Variants in TMEM108 observed in about 807,000 individuals in gnomAD.
TMEM108 encodes the protein cancer/testis antigen 124.
Under a neutral mutation model 35.1 loss-of-function variants are expected in TMEM108, and 12 were observed. That is an observed-to-expected ratio of 0.34 (90% CI 0.22 to 0.55). The LOEUF is 0.55. Ranked by LOEUF, TMEM108 falls within the 20% of genes least tolerant of loss-of-function variation. The probability of loss-of-function intolerance (pLI) is 0.89; values close to 1 mark genes in which losing one functional copy is unlikely to be tolerated. For synonymous variants in TMEM108, 287 were observed against 308.6 expected (o/e 0.93, Z 0.73); for missense variants, 680 against 753.3 (o/e 0.90, Z 1.14).
intron 5 of TMEM108, among the ~76,000 whole-genome samples, chr3:133,394,353 C>T (rs2073275676): frequency 6.6e-6 from 1 of 152,238 alleles, no homozygotes; most frequent in Non-Finnish European, 1.5e-5. Flanking sequence ...CAGGGCTGTA[C>T]AGACAAAATT....
At position 133,380,479 on chromosome 3, in the gene TMEM108, C is replaced by T. The variant is rs2072977364; in HGVS notation, c.768C>T (p.Thr256=). The T allele has an allele frequency of 3.1e-6, 5 of 1,613,966 alleles. No individual in the cohort carries two copies. The highest frequency in any genetic ancestry group is 4.2e-6 in the Non-Finnish European group (5 of 1,179,974). ...SSPQPQTVAA[T]TVPSNTSWAP... is the part of the protein sequence containing the mutation. ...CACAGCCCCAGACAGTGGCTGCGAC[C>T]ACAGTGCCCAGCAATACCTCATGGG... The change falls in exon 4 of 6, where the codon ACC becomes ACT. Residue 256 remains threonine (T), a synonymous_variant. Coordinates refer to ENST00000321871, the MANE Select transcript of TMEM108 (RefSeq NM_023943.4). This position sits in a 1 kb window ranked among gnomAD's most constrained non-coding sequence, Gnocchi z 5.3.
chr3:133,224,030 A>G (rs1946031427), intron 2 of TMEM108, among the ~76,000 whole-genome samples: 1 of 152,216 alleles, frequency 6.6e-6, no homozygotes, highest in African/African-American at 2.4e-5. Flanking sequence ...TATTATGGGA[A>G]GTCTGTCACT....
At chr3:133,327,772 G>C (rs1379611229) in intron 3 of TMEM108, among the ~76,000 whole-genome samples, 1 of 152,072 alleles carries the variant, frequency 6.6e-6, no homozygotes, top group Non-Finnish European at 1.5e-5. Flanking sequence ...GGGCGGCAGG[G>C]TCAAAGGATT....
At chr3:133,384,250 G>A (rs1191696702) in intron 4 of TMEM108, among the ~76,000 whole-genome samples, 1 of 128,652 alleles carries the variant, frequency 7.8e-6, no homozygotes, top group Non-Finnish European at 1.7e-5. Flanking sequence ...CAGGAGTAAA[G>A]TGCATGCATC....
intron 2 of TMEM108, among the ~76,000 whole-genome samples, chr3:133,062,051 A>T (rs1045954327): frequency 2.6e-5 from 4 of 152,238 alleles, no homozygotes; most frequent in African/African-American, 9.6e-5. Context: ...TAAATCTGAT[A>T]GCATGGATGG....
intron 2 of TMEM108, among the ~76,000 whole-genome samples, chr3:133,163,661 A>G (rs1576354251): frequency 6.6e-6 from 1 of 152,272 alleles, no homozygotes; most frequent in Non-Finnish European, 1.5e-5. Context: ...TCAGATGTAA[A>G]TGAACTACAG....
chr3:133,039,350 G>C (rs1265180573), intron 1 of TMEM108, among the ~76,000 whole-genome samples: 1 of 152,146 alleles, frequency 6.6e-6, no homozygotes, highest in Non-Finnish European at 1.5e-5. Context: ...CATGTTACTG[G>C]GTTGTGGGGA....
At chr3:133,059,319 T>TA (rs913903444) in intron 2 of TMEM108, among the ~76,000 whole-genome samples, 4 of 152,212 alleles carry the variant, frequency 2.6e-5, no homozygotes, top group African/African-American at 9.6e-5. Flanking sequence ...TTCTTATATA[T>TA]TTTTTTAAAC....
intron 2 of TMEM108, among the ~76,000 whole-genome samples, chr3:133,208,694 A>G (rs1461671620): frequency 2.0e-5 from 3 of 152,180 alleles, no homozygotes; most frequent in Non-Finnish European, 4.4e-5. Flanking sequence ...CTGGAGAGCC[A>G]GTCACATTAC....
chr3:133,373,348 C>CA (rs59367666), intron 3 of TMEM108, among the ~76,000 whole-genome samples: 8,397 of 79,864 alleles, frequency 0.11, 1,369 homozygotes, highest in African/African-American at 0.28. Flanking sequence ...GACCTTGTCT[C>CA]AAAAAAAAAA....
chr3:133,305,807 G>T (rs745454817), intron 3 of TMEM108, among the ~76,000 whole-genome samples: 70 of 151,888 alleles, frequency 4.6e-4, no homozygotes, highest in Non-Finnish European at 7.4e-4. Context: ...ATTCATTATG[G>T]TTTTAATTTA....
chr3:133,263,786 C>T (rs62278976), intron 3 of TMEM108, among the ~76,000 whole-genome samples: 48,360 of 152,042 alleles, frequency 0.32, 8,471 homozygotes, highest in East Asian at 0.48. Flanking sequence ...CACACAGCTG[C>T]GGTGAGAGGA....
intron 2 of TMEM108, among the ~76,000 whole-genome samples, chr3:133,101,408 A>T (rs1201496078): frequency 6.6e-6 from 1 of 152,142 alleles, no homozygotes; most frequent in East Asian, 1.9e-4. Flanking sequence ...CATATTTCCA[A>T]CGTGATCCTT....
Position 133,133,958 on chromosome 3 carries a change from TTTC to T in TMEM108, c.-47+87939_-47+87941del, listed in dbSNP as rs201439423. ...TTTTGTATTTTTAGTAGAGACGGGG[TTTC>T]ACCTTGTTAGCCAGGTGGTCTCGAT... On this transcript the variant is annotated intron_variant, in intron 2 of 5. Transcript: ENST00000321871. Among the ~76,000 whole-genome samples the T allele has an allele frequency of 4.7e-3, 717 of 152,116 alleles. 9 individuals are homozygous for T. The highest frequency in any genetic ancestry group is 8.5e-3 in the Admixed American group (130 of 15,282).
chr3:133,192,147 C>G (rs1035354897), intron 2 of TMEM108, among the ~76,000 whole-genome samples: 1 of 152,070 alleles, frequency 6.6e-6, no homozygotes, highest in Non-Finnish European at 1.5e-5. Context: ...GGAAGAGTTA[C>G]AATTGCAAGG....
At chr3:133,171,016 T>C (rs1275189721) in intron 2 of TMEM108, among the ~76,000 whole-genome samples, 1 of 152,208 alleles carries the variant, frequency 6.6e-6, no homozygotes, top group African/African-American at 2.4e-5. Context: ...GGCAAGCTGG[T>C]CATGAGTAGA....
At chr3:133,118,808 C>T (rs1944317462) in intron 2 of TMEM108, among the ~76,000 whole-genome samples, 2 of 152,020 alleles carry the variant, frequency 1.3e-5, no homozygotes, top group Non-Finnish European at 2.9e-5. Context: ...TTCAGTTTAC[C>T]GTAGGGGGTG....
chr3:133,249,414 A>G (rs1946433788), intron 3 of TMEM108, among the ~76,000 whole-genome samples: 1 of 152,184 alleles, frequency 6.6e-6, no homozygotes, highest in Admixed American at 6.6e-5. Context: ...AGAGTAGGGA[A>G]CACTCTGAGC....
intron 2 of TMEM108, among the ~76,000 whole-genome samples, chr3:133,103,115 T>C (rs1158676031): frequency 6.6e-6 from 1 of 152,176 alleles, no homozygotes; most frequent in Non-Finnish European, 1.5e-5. Flanking sequence ...AATTATTCTC[T>C]TATAAAGACG....
Sources: gnomAD v4.1 joint callset for allele counts (sites outside exome capture counted in the v4.1 genomes callset) on GRCh38, gnomAD v4.1.1 for gene constraint, Gnocchi (gnomAD v3.1) non-coding constraint, MANE v1.5 for transcripts, NCBI Gene and HGNC (gene_info 2026-07-23, HGNC 2026-07-21) for gene names.